Variants in OGA observed in about 807,000 individuals in gnomAD.
OGA encodes the protein O-GlcNAcase.
A neutral mutation model predicts 102.0 loss-of-function variants in OGA; 21 were observed. That is an observed-to-expected ratio of 0.21 (90% CI 0.15 to 0.30). The LOEUF (loss-of-function observed/expected upper bound fraction) is 0.30, where lower values mean the gene tolerates loss of function less well. Among genes scored for constraint, OGA ranks in the 10% least tolerant of loss-of-function variants. The pLI, the probability that OGA is intolerant of heterozygous loss-of-function variation, is 1.00. For synonymous variants in OGA, 408 were observed against 378.2 expected (o/e 1.08, Z -0.91); for missense variants, 765 against 1,107.8 (o/e 0.69, Z 4.39).
intron 15 of OGA, 112 bp from the exon 16 acceptor site, chr10:101,786,699 C>T (rs1331485859): frequency 1.5e-5 from 13 of 880,352 alleles, no homozygotes; most frequent in African/African-American, 1.7e-5. Flanking sequence ...TGTCTGTCTA[C>T]ACCAGCTCCT....
intron 3 of OGA, among the ~76,000 whole-genome samples, 188 bp from the exon 4 acceptor site, chr10:101,810,502 G>A (rs2065540488): frequency 6.6e-6 from 1 of 152,198 alleles, no homozygotes; most frequent in Non-Finnish European, 1.5e-5. Context: ...GTGATTTAAT[G>A]TCACAGTAAG....
intron 3 of OGA, among the ~76,000 whole-genome samples, chr10:101,811,843 G>C (rs1367151806): frequency 6.6e-6 from 1 of 151,996 alleles, no homozygotes; most frequent in African/African-American, 2.4e-5. Context: ...ACTACTACTA[G>C]TATATACTAT....
chr10:101,809,531 C>T (rs185388567), intron 4 of OGA, among the ~76,000 whole-genome samples: 55 of 151,912 alleles, frequency 3.6e-4, no homozygotes, highest in African/African-American at 1.2e-3. Context: ...GCCTGGCCAA[C>T]GTGGCAAAAC....
Position 101,791,356 on chromosome 10 carries a change from G to C in OGA, c.2259C>G (p.Asp753Glu), listed in dbSNP as rs1032370478. 8.1e-6 allele frequency: 13 copies of C among 1,610,462 alleles called. No individual in the cohort carries two copies. The highest frequency in any genetic ancestry group is 1.1e-5 in the Non-Finnish European group (13 of 1,176,906). The change falls in exon 13 of 16, where the codon GAC becomes GAG. Residue 753 changes from aspartate (D) to glutamate (E), a missense_variant and splice_region_variant. Physicochemically the swap from Asp to Glu is conservative, Grantham distance 45 (BLOSUM62 2). Transcript: ENST00000361464. ...PFQSQPDLIG[D>E]KLVGGLLSLS... ...AAATCCAAATACTTATCACATACTTGTCTCCAATAAGATCAGGCTGACTTT... is the reference window on the plus strand; with the variant it reads ...AAATCCAAATACTTATCACATACTTCTCTCCAATAAGATCAGGCTGACTTT...
chr10:101,784,571 A>G lies in OGA; in HGVS notation c.*1880T>C, dbSNP rs1418315901. 1 of 152,688 alleles carries G rather than the reference A, an allele frequency of 6.5e-6. No individual in the cohort carries two copies. Among genetic ancestry groups the G allele is most frequent in the Non-Finnish European group, 1.5e-5 (1 of 68,062 alleles). The allele number at this position is 152,688 out of a possible 1,614,324, so 9.5% of individuals were successfully genotyped here. ...TCCAACCTTAATATTCATAACCAGGAAATAGCATAGCACTTCATGATCCTA... is the reference window on the plus strand; with the variant it reads ...TCCAACCTTAATATTCATAACCAGGGAATAGCATAGCACTTCATGATCCTA... On this transcript the variant is annotated 3_prime_UTR_variant, in exon 16 of 16. Transcript: ENST00000361464.
intron 5 of OGA, among the ~76,000 whole-genome samples, chr10:101,806,381 A>G (rs2065474958): frequency 6.6e-6 from 1 of 151,810 alleles, no homozygotes; most frequent in South Asian, 2.1e-4. Context: ...TTTTTTTTGT[A>G]TTTTAGTAGA....
intron 15 of OGA, 99 bp from the exon 16 acceptor site, chr10:101,786,686 G>T: frequency 1.9e-6 from 2 of 1,052,046 alleles, no homozygotes; most frequent in Non-Finnish European, 2.6e-6. Flanking sequence ...TATAAACAGG[G>T]CTTGTCTGTC....
intron 1 of OGA, among the ~76,000 whole-genome samples, chr10:101,815,411 A>G (rs1266356560): frequency 6.6e-6 from 1 of 151,800 alleles, no homozygotes; most frequent in Non-Finnish European, 1.5e-5. Flanking sequence ...CAGCCTCCCG[A>G]GTAGTTGGGA....
intron 14 of OGA, chr10:101,787,731 G>A (rs2065207315): frequency 1.9e-6 from 1 of 525,536 alleles, no homozygotes; most frequent in East Asian, 3.1e-5. Context: ...GGCTGGAGAG[G>A]GGCAGGCATT....
chr10:101,807,904 A>G lies in OGA; in HGVS notation c.481-3T>C. The G allele has an allele frequency of 6.7e-7, 1 of 1,501,610 alleles. No homozygotes were observed. The allele number at this position is 1,501,610 out of a possible 1,614,324, so 93.0% of individuals were successfully genotyped here. A position where few individuals can be genotyped will look rare whatever the true frequency, so the allele number is the denominator to read the frequency against. On this transcript the variant is annotated splice_region_variant and splice_polypyrimidine_tract_variant and intron_variant, in intron 4 of 15. Coordinates refer to ENST00000361464, the MANE Select transcript of OGA (RefSeq NM_012215.5). The stretch of plus-strand genomic sequence containing the variant: ...GATCTGCACCCAAACTGAGAAACCT[A>G]GGAGAAAAAAAAAAAAAAGAATCAA...
At position 101,799,197 on chromosome 10, in the gene OGA, C is replaced by T; in HGVS notation, c.1454G>A (p.Ser485Asn). The T allele has an allele frequency of 6.2e-7, 1 of 1,614,240 alleles. No individual in the cohort carries two copies. The highest frequency in any genetic ancestry group is 8.5e-7 in the Non-Finnish European group (1 of 1,180,042). The change falls in exon 9 of 16, where the codon AGT becomes AAT. Residue 485 changes from serine (S) to asparagine (N), a missense_variant. Physicochemically the swap from Ser to Asn is conservative, Grantham distance 46 (BLOSUM62 1). Coordinates refer to ENST00000361464, the MANE Select transcript of OGA (RefSeq NM_012215.5). ...TGCCATTTTCGCTTCAACAATTTCA[C>T]TCAGTATTTGATTGTCATTCTTGTG... ...TDHKNDNQIL[S>N]EIVEAKMAEE...
chr10:101,786,860 C>T (rs1412065772), intron 15 of OGA, among the ~76,000 whole-genome samples: 3 of 152,156 alleles, frequency 2.0e-5, no homozygotes, highest in East Asian at 1.9e-4. Context: ...CTCCGCCTCC[C>T]GGCTTCAAGC....
At chr10:101,790,095 T>C (rs944508275) in intron 14 of OGA, among the ~76,000 whole-genome samples, 1 of 152,122 alleles carries the variant, frequency 6.6e-6, no homozygotes, top group African/African-American at 2.4e-5. Flanking sequence ...AGGACAGACT[T>C]ATTAAGAAGT....
At chr10:101,810,384 C>T in intron 3 of OGA, 70 bp from the exon 4 acceptor site, 1 of 1,341,494 alleles carries the variant, frequency 7.5e-7, no homozygotes. Context: ...GAAGGTTTAA[C>T]TGAAGAGGTT....
At position 101,800,303 on chromosome 10, in the gene OGA, C is replaced by T. The variant is rs748480620; in HGVS notation, c.1134G>A (p.Met378Ile). The T allele has an allele frequency of 1.9e-6, 3 of 1,613,768 alleles. No individual in the cohort carries two copies. The African/African-American group carries it at 4.0e-5, about 22-fold the overall frequency. ...IETDVLYSPQMALKLALTEWL... is the reference protein window; with the variant it reads ...IETDVLYSPQIALKLALTEWL... ...ATTCTGTTAATGCTAGCTTTAGAGC[C>T]ATCTGTGGACTATAGAGTACATCAG... Residue 378 changes from methionine (M) to isoleucine (I), a missense_variant, in exon 8 of 16, where the codon ATG becomes ATA. Transcript: ENST00000361464.
At chr10:101,787,315 C>T in intron 15 of OGA, 49 bp downstream of exon 15, 1 of 1,506,214 alleles carries the variant, frequency 6.6e-7, no homozygotes, top group Non-Finnish European at 9.0e-7. Flanking sequence ...ATATATAGTT[C>T]TTTCCCTATC....
chr10:101,806,632 G>A (rs574586759), intron 5 of OGA, among the ~76,000 whole-genome samples: 22 of 152,200 alleles, frequency 1.4e-4, no homozygotes, highest in Non-Finnish European at 2.4e-4. Flanking sequence ...CAATTCTTAC[G>A]ATACTACAGT....
intron 6 of OGA, among the ~76,000 whole-genome samples, chr10:101,805,686 T>TGG (rs2065460942): frequency 6.9e-6 from 1 of 145,180 alleles, no homozygotes; most frequent in Non-Finnish European, 1.5e-5. Flanking sequence ...CCAGGCGTGG[T>TGG]GGCTCACGCC....
intron 9 of OGA, 107 bp from the exon 10 acceptor site, chr10:101,798,261 CT>C: frequency 1.0e-6 from 1 of 979,454 alleles, no homozygotes; most frequent in Non-Finnish European, 1.5e-6. Context: ...GGCAATTTAT[CT>C]TAACCATTAA....
Sources: gnomAD v4.1 joint callset for allele counts (sites outside exome capture counted in the v4.1 genomes callset) on GRCh38, gnomAD v4.1.1 for gene constraint, MANE v1.5 for transcripts, NCBI Gene and HGNC (gene_info 2026-07-23, HGNC 2026-07-21) for gene names.